Variants in PRELID2 observed in about 807,000 individuals in gnomAD.
The protein encoded by PRELID2 is PRELI domain-containing protein 2.
In PRELID2, 25 loss-of-function variants were observed where a neutral mutation model predicts 28.4. That is an observed-to-expected ratio of 0.88 (90% CI 0.64 to 1.23). PRELID2 has a LOEUF of 1.23. Ranked by LOEUF, PRELID2 falls within the 50% of genes most tolerant of loss-of-function variation. The probability of loss-of-function intolerance (pLI) is 0.00; values close to 1 mark genes in which losing one functional copy is unlikely to be tolerated. For missense variants in PRELID2, 201 were observed against 214.4 expected, an observed-to-expected ratio of 0.94 and a Z score of 0.39; for synonymous variants, 76 against 71.6, an observed-to-expected ratio of 1.06 and a Z score of -0.31.
At chr5:145,599,395 G>A (rs1023714756) in intron 1 of PRELID2, among the ~76,000 whole-genome samples, 2 of 150,252 alleles carry the variant, frequency 1.3e-5, no homozygotes, top group African/African-American at 2.5e-5. Flanking sequence ...CAAACCCTTA[G>A]GAGGCTTGGA....
intron 4 of PRELID2, among the ~76,000 whole-genome samples, chr5:145,814,979 C>T (rs10071283): frequency 1.3e-5 from 2 of 152,198 alleles, no homozygotes; most frequent in Non-Finnish European, 2.9e-5. Flanking sequence ...CTGTATGTTA[C>T]GACTGCATGT....
Position 145,598,297 on chromosome 5 carries a change from G to A in PRELID2, n.71-124982C>T, listed in dbSNP as rs143899464. Among the ~76,000 whole-genome samples, 1,207 of 152,214 alleles carry A rather than the reference G, an allele frequency of 7.9e-3. 22 individuals are homozygous for A. The highest frequency in any genetic ancestry group is 0.028 in the African/African-American group (1,154 of 41,542). Reference sequence around the variant, plus strand: ...GGAGAACAAAGTCAAAATTTAGAGTGGAGAAAGCAGTCTAAGCAATATAAT... The same window carrying A: ...GGAGAACAAAGTCAAAATTTAGAGTAGAGAAAGCAGTCTAAGCAATATAAT... On this transcript the variant is annotated intron_variant and non_coding_transcript_variant, in intron 1 of 2. Coordinates refer to the PRELID2 transcript ENST00000510259.
the PRELID2 span, among the ~76,000 whole-genome samples, chr5:145,402,735 G>T: frequency 3.3e-5 from 5 of 152,168 alleles, no homozygotes; most frequent in African/African-American, 1.2e-4. Context: ...CATAGTGTCT[G>T]CCATATGTGA....
In PRELID2 at chr5:145,614,504, C is replaced by T. The variant is rs181354003; in HGVS notation, n.71-141189G>A. On this transcript the variant is annotated intron_variant and non_coding_transcript_variant, in intron 1 of 2. Coordinates refer to the PRELID2 transcript ENST00000510259. ...TTGTCTATGATTTCTTTCAGCAGAG[C>T]TTTATAGTTTTCCTTGTAGAGGTCT... Among the ~76,000 whole-genome samples the T allele has an allele frequency of 2.4e-3, 365 of 152,220 alleles. 3 individuals carry two copies. Among genetic ancestry groups the T allele is most frequent in the African/African-American group, 8.4e-3 (347 of 41,552 alleles).
intron 1 of PRELID2, among the ~76,000 whole-genome samples, chr5:145,560,819 T>A (rs967141010): frequency 7.9e-5 from 12 of 152,302 alleles, no homozygotes; most frequent in African/African-American, 2.9e-4. Context: ...TCTTTCCCAG[T>A]GCAGTTAGGG....
At chr5:145,743,132 G>C (rs1048264197) in intron 1 of PRELID2, among the ~76,000 whole-genome samples, 3 of 152,020 alleles carry the variant, frequency 2.0e-5, no homozygotes, top group Admixed American at 1.3e-4. Flanking sequence ...AATCTGGCCG[G>C]GCGCGGTGGC....
chr5:145,256,982 T>A, the PRELID2 span, among the ~76,000 whole-genome samples: 1 of 151,954 alleles, frequency 6.6e-6, no homozygotes, highest in African/African-American at 2.4e-5. Flanking sequence ...ATGAAGTGTT[T>A]TTAAAAAGTT....
At chr5:145,450,131 C>T in the PRELID2 span, among the ~76,000 whole-genome samples, 13 of 152,158 alleles carry the variant, frequency 8.5e-5, no homozygotes, top group African/African-American at 2.9e-4. Context: ...CCTTAAATAG[C>T]TTCTTAAATA....
At chr5:145,724,491 T>C (rs891223943) in intron 1 of PRELID2, among the ~76,000 whole-genome samples, 1 of 150,102 alleles carries the variant, frequency 6.7e-6, no homozygotes, top group African/African-American at 2.4e-5. Context: ...AGATAATGGA[T>C]TAGATAATAA....
chr5:145,639,531 T>C (rs568014406), intron 1 of PRELID2, among the ~76,000 whole-genome samples: 8 of 152,328 alleles, frequency 5.3e-5, no homozygotes, highest in African/African-American at 1.7e-4. Context: ...GTCTTGGGGC[T>C]CATAGGATTA....
intron 1 of PRELID2, among the ~76,000 whole-genome samples, chr5:145,489,541 C>A (rs1752249400): frequency 6.6e-6 from 1 of 152,172 alleles, no homozygotes; most frequent in African/African-American, 2.4e-5. Flanking sequence ...ACAATCAGTA[C>A]CTGGTAGAAA....
Position 145,573,519 on chromosome 5 carries a change from C to T in PRELID2, n.71-100204G>A, listed in dbSNP as rs114764068. ...CCCTTTCCTCTGCCCGCACAACAGGCCCCCATGTGCGATGTTCCCCACCCT... is the reference window on the plus strand; with the variant it reads ...CCCTTTCCTCTGCCCGCACAACAGGTCCCCATGTGCGATGTTCCCCACCCT... On this transcript the variant is annotated intron_variant and non_coding_transcript_variant, in intron 1 of 2. Transcript: ENST00000510259. Among the ~76,000 whole-genome samples, 903 of 152,114 alleles carry T rather than the reference C, an allele frequency of 5.9e-3. 12 individuals are homozygous for T. The highest frequency in any genetic ancestry group is 0.02 in the African/African-American group (836 of 41,490).
At chr5:145,588,026 C>G (rs1753177485) in intron 1 of PRELID2, among the ~76,000 whole-genome samples, 1 of 152,096 alleles carries the variant, frequency 6.6e-6, no homozygotes, top group African/African-American at 2.4e-5. Flanking sequence ...GTACAAGAAG[C>G]CTCATGCTGC....
the PRELID2 span, among the ~76,000 whole-genome samples, chr5:145,233,828 A>C: frequency 6.6e-6 from 1 of 152,202 alleles, no homozygotes; most frequent in Non-Finnish European, 1.5e-5. Context: ...TAGCCTAAGC[A>C]TTATGTATAA....
the PRELID2 span, among the ~76,000 whole-genome samples, chr5:145,429,396 A>C: frequency 6.6e-6 from 1 of 152,154 alleles, no homozygotes; most frequent in Non-Finnish European, 1.5e-5. Flanking sequence ...CCATGAACTG[A>C]AATTGAAACT....
the PRELID2 span, among the ~76,000 whole-genome samples, chr5:145,286,712 G>GTT: frequency 2.2e-3 from 241 of 108,346 alleles, 5 homozygotes; most frequent in East Asian, 0.043. Context: ...GTTTTTTTTT[G>GTT]TTTGTTTGTT....
chr5:145,461,917 A>G, the PRELID2 span, among the ~76,000 whole-genome samples: 135 of 152,244 alleles, frequency 8.9e-4, 1 homozygote, highest in African/African-American at 3.2e-3. Flanking sequence ...GAGCAGAAAT[A>G]CATGGACTAT....
At chr5:145,680,528 G>A (rs906301918) in intron 1 of PRELID2, among the ~76,000 whole-genome samples, 15 of 152,164 alleles carry the variant, frequency 9.9e-5, no homozygotes, top group African/African-American at 3.4e-4. Context: ...ATGGGTATTT[G>A]GGGGCTATGG....
intron 1 of PRELID2, among the ~76,000 whole-genome samples, chr5:145,550,682 A>T (rs1289167902): frequency 6.6e-6 from 1 of 152,228 alleles, no homozygotes; most frequent in Non-Finnish European, 1.5e-5. Flanking sequence ...GAAATAATGT[A>T]AATAAGAAAC....
Sources: allele counts gnomAD v4.1 joint callset (sites outside exome capture counted in the v4.1 genomes callset), GRCh38; gene constraint gnomAD v4.1.1; transcripts MANE v1.5; gene names NCBI Gene and HGNC (gene_info 2026-07-23, HGNC 2026-07-21).